XRCC4: variants seen among roughly 807,000 people sequenced by gnomAD.
The protein encoded by XRCC4 is DNA repair protein XRCC4.
In XRCC4, 28 loss-of-function variants were observed where a neutral mutation model predicts 39.1. That is an observed-to-expected ratio of 0.72 (90% CI 0.53 to 0.98). The LOEUF (loss-of-function observed/expected upper bound fraction) is 0.98, where lower values mean the gene tolerates loss of function less well. XRCC4 is among the 50% of genes least tolerant of loss of function. The pLI is 0.00. For synonymous variants in XRCC4, 123 were observed against 126.4 expected (o/e 0.97, Z 0.18); for missense variants, 350 against 376.4 (o/e 0.93, Z 0.58).
At chr5:83,264,598 G>T (rs1263492220) in intron 7 of XRCC4, among the ~76,000 whole-genome samples, 1 of 151,986 alleles carries the variant, frequency 6.6e-6, no homozygotes, top group African/African-American at 2.4e-5. Context: ...ATGAGCATAT[G>T]GGAAACTCGT....
At chr5:83,284,322 T>A (rs1754663567) in intron 7 of XRCC4, among the ~76,000 whole-genome samples, 1 of 151,974 alleles carries the variant, frequency 6.6e-6, no homozygotes, top group Admixed American at 6.6e-5. Flanking sequence ...TGACTAAGAA[T>A]TTTTTTAACC....
intron 6 of XRCC4, among the ~76,000 whole-genome samples, chr5:83,242,499 G>C (rs1256852086): frequency 4.6e-5 from 7 of 151,980 alleles, no homozygotes; most frequent in Admixed American, 1.3e-4. Context: ...AGGCTGGAAA[G>C]TCGTGGTGTG....
chr5:83,082,942 A>G (rs1745018977), intron 1 of XRCC4, among the ~76,000 whole-genome samples: 1 of 152,064 alleles, frequency 6.6e-6, no homozygotes, highest in South Asian at 2.1e-4. Flanking sequence ...TCTTAAGTAC[A>G]CTAGGCCTAC....
At chr5:83,091,141 G>C (rs1745407345) in intron 1 of XRCC4, among the ~76,000 whole-genome samples, 1 of 152,110 alleles carries the variant, frequency 6.6e-6, no homozygotes, top group Non-Finnish European at 1.5e-5. Context: ...ATACTCTTTT[G>C]ACTGTTGTGT....
chr5:83,288,619 T>C (rs1019104078), intron 7 of XRCC4, among the ~76,000 whole-genome samples: 2 of 151,928 alleles, frequency 1.3e-5, no homozygotes, highest in Non-Finnish European at 2.9e-5. Flanking sequence ...CCACTCTCTT[T>C]TTGTTTACAT....
At chr5:83,309,399 A>G (rs1755623163) in intron 7 of XRCC4, among the ~76,000 whole-genome samples, 1 of 146,982 alleles carries the variant, frequency 6.8e-6, no homozygotes. Context: ...TTATTAAGCC[A>G]TTTCTATTAA....
intron 7 of XRCC4, among the ~76,000 whole-genome samples, chr5:83,305,061 G>GTGTT (rs975717754): frequency 2.0e-5 from 3 of 152,130 alleles, no homozygotes; most frequent in Non-Finnish European, 2.9e-5. Flanking sequence ...TCTTATGTTA[G>GTGTT]TGTTGTTTCA....
intron 7 of XRCC4, among the ~76,000 whole-genome samples, chr5:83,312,566 A>G (rs1431924108): frequency 1.3e-5 from 2 of 152,220 alleles, no homozygotes; most frequent in Non-Finnish European, 2.9e-5. Flanking sequence ...TGATACCTGC[A>G]TAGGGTTAAT....
chr5:83,242,750 C>G (rs1243704389), intron 6 of XRCC4, among the ~76,000 whole-genome samples: 1 of 152,144 alleles, frequency 6.6e-6, no homozygotes, highest in Non-Finnish European at 1.5e-5. Flanking sequence ...CTTAGCAATC[C>G]CATCCAAAAT....
intron 3 of XRCC4, among the ~76,000 whole-genome samples, chr5:83,192,365 T>C (rs1340297864): frequency 6.7e-6 from 1 of 150,230 alleles, no homozygotes; most frequent in East Asian, 1.9e-4. Context: ...TGGAGTGCAG[T>C]GGTGTGATGT....
rs77772690 is a variant in XRCC4, at chr5:83,175,286, T to G, written c.316-20484T>G. On this transcript the variant is annotated intron_variant, in intron 3 of 7. Coordinates refer to ENST00000396027, the MANE Select transcript of XRCC4 (RefSeq NM_003401.5). ...GTAGAATACATTATGGTATAATTTT[T>G]AAACTTTTCTTGTATCTCATTCCAG... is the stretch of plus-strand genomic sequence containing the variant. 6.6e-4 allele frequency among the ~76,000 whole-genome samples: 100 copies of G among 152,330 alleles called. 3 individuals are homozygous for G. In the East Asian group the frequency reaches 0.019, roughly 29 times the overall value.
intron 6 of XRCC4, among the ~76,000 whole-genome samples, chr5:83,251,167 G>A (rs1753294496): frequency 1.3e-5 from 2 of 152,124 alleles, no homozygotes; most frequent in South Asian, 4.1e-4. Flanking sequence ...AATGAGTGGA[G>A]GAATAAATGA....
intron 3 of XRCC4, among the ~76,000 whole-genome samples, chr5:83,163,190 G>T (rs989980595): frequency 3.9e-5 from 6 of 151,908 alleles, no homozygotes; most frequent in Non-Finnish European, 8.8e-5. Flanking sequence ...CAAGTGAGCC[G>T]CCTGCCTGGG....
At chr5:83,099,529 G>C (rs1157611807) in intron 1 of XRCC4, among the ~76,000 whole-genome samples, 2 of 152,148 alleles carry the variant, frequency 1.3e-5, no homozygotes, top group Non-Finnish European at 2.9e-5. Flanking sequence ...TCAGACCTTA[G>C]ATCACATCAA....
chr5:83,268,926 A>C (rs1448363110), intron 7 of XRCC4, among the ~76,000 whole-genome samples: 1 of 152,210 alleles, frequency 6.6e-6, no homozygotes, highest in African/African-American at 2.4e-5. Flanking sequence ...ATTTCAAGGA[A>C]ATCATGAAAA....
At chr5:83,202,126 C>G (rs1561400385) in intron 4 of XRCC4, 1 of 150,900 alleles carries the variant, frequency 6.6e-6, no homozygotes, top group Non-Finnish European at 1.5e-5. Context: ...AGCTGCAGAA[C>G]AGGATATTGA....
Position 83,329,398 on chromosome 5 carries a change from G to A in XRCC4, c.894-23733G>A, listed in dbSNP as rs1035505037. Among the ~76,000 whole-genome samples the A allele has an allele frequency of 2.6e-5, 4 of 152,172 alleles. 1 individual carries two copies. The South Asian group carries it at 8.3e-4, about 32-fold the overall frequency. On this transcript the variant is annotated intron_variant, in intron 7 of 7. Coordinates refer to ENST00000396027, the MANE Select transcript of XRCC4 (RefSeq NM_003401.5). ...AACCCATATAGCTGACAAAGAATTT[G>A]TATTCTCTAAGTCGATTAAATAAAA...
intron 3 of XRCC4, among the ~76,000 whole-genome samples, chr5:83,166,551 C>T (rs1478259297): frequency 6.6e-6 from 1 of 151,900 alleles, no homozygotes; most frequent in Non-Finnish European, 1.5e-5. Flanking sequence ...GCAGCCTCCA[C>T]CTCCTGGATT....
At chr5:83,119,201 A>G (rs1402356867) in intron 3 of XRCC4, among the ~76,000 whole-genome samples, 1 of 152,212 alleles carries the variant, frequency 6.6e-6, no homozygotes, top group Non-Finnish European at 1.5e-5. Context: ...CTATTTCCAG[A>G]TGAAATATCA....
Sources: gnomAD v4.1 joint callset for allele counts (sites outside exome capture counted in the v4.1 genomes callset) on GRCh38, gnomAD v4.1.1 for gene constraint, MANE v1.5 for transcripts, NCBI Gene and HGNC (gene_info 2026-07-23, HGNC 2026-07-21) for gene names.